FRMD4A: variants seen among roughly 807,000 people sequenced by gnomAD.
FRMD4A encodes the protein FERM domain-containing protein 4A.
Under a neutral mutation model 129.1 loss-of-function variants are expected in FRMD4A, and 29 were observed. The observed-to-expected ratio is 0.22, with a 90% CI of 0.17 to 0.31. The LOEUF is 0.31. FRMD4A is among the 10% of genes least tolerant of loss of function. The pLI, the probability that FRMD4A is intolerant of heterozygous loss-of-function variation, is 1.00. For missense variants in FRMD4A, 1,272 were observed against 1,375.8 expected (o/e 0.92, Z 1.19); for synonymous variants, 634 against 571.6 (o/e 1.11, Z -1.56).
intron 2 of FRMD4A, among the ~76,000 whole-genome samples, chr10:14,186,221 G>A (rs1842142369): frequency 6.6e-6 from 1 of 151,660 alleles, no homozygotes; most frequent in Admixed American, 6.6e-5. Context: ...GGCTACAATT[G>A]GTTGGAATCA....
chr10:13,648,783 A>T (rs1333676195), intron 24 of FRMD4A: 2 of 152,196 alleles, frequency 1.3e-5, no homozygotes, highest in East Asian at 3.8e-4. Flanking sequence ...GTAGTTTCTT[A>T]AACTGTTGAT....
At chr10:14,078,919 G>C (rs1835767362) in intron 2 of FRMD4A, among the ~76,000 whole-genome samples, 1 of 152,178 alleles carries the variant, frequency 6.6e-6, no homozygotes, top group Non-Finnish European at 1.5e-5. Flanking sequence ...TTCTGGAGGT[G>C]TCCTGCGAAT....
chr10:13,746,898 T>A (rs1397290273), intron 9 of FRMD4A, among the ~76,000 whole-genome samples: 2 of 152,144 alleles, frequency 1.3e-5, no homozygotes, highest in African/African-American at 4.8e-5. Flanking sequence ...ATGGCTTGAA[T>A]CATTCAGAAT....
intron 3 of FRMD4A, among the ~76,000 whole-genome samples, chr10:13,820,989 A>C (rs1047550114): frequency 3.3e-5 from 5 of 152,150 alleles, no homozygotes; most frequent in African/African-American, 1.2e-4. Context: ...CAGGGGAAGG[A>C]GCGCAGCTTT....
chr10:14,221,516 G>T (rs974558123), intron 2 of FRMD4A, among the ~76,000 whole-genome samples: 1 of 152,150 alleles, frequency 6.6e-6, no homozygotes, highest in African/African-American at 2.4e-5. Context: ...AACCAAATTG[G>T]TTTGCTTTAG....
chr10:13,706,278 G>A (rs1377499642), intron 13 of FRMD4A, among the ~76,000 whole-genome samples: 1 of 152,120 alleles, frequency 6.6e-6, no homozygotes, highest in African/African-American at 2.4e-5. Flanking sequence ...AGGGAATTAC[G>A]CTGCTGTTTT....
chr10:14,045,690 G>A (rs1473820369), intron 2 of FRMD4A, among the ~76,000 whole-genome samples: 1 of 144,588 alleles, frequency 6.9e-6, no homozygotes, highest in Non-Finnish European at 1.5e-5. Flanking sequence ...TATTATATAT[G>A]ATATAATTAT....
rs376895000 is a variant in FRMD4A at position 14,138,290 on chromosome 10, G to A, written c.45+191768C>T. On this transcript the variant is annotated intron_variant, in intron 2 of 24. Transcript: ENST00000357447. ...CTCACAATATGGCAGGCAGGAGGAA[G>A]CAGCTGAGTCCTACTGGGTCCAGCT... 2.3e-4 allele frequency among the ~76,000 whole-genome samples: 35 copies of A among 152,334 alleles called. No individual in the cohort carries two copies. In the East Asian group the frequency reaches 6.4e-3, roughly 28 times the overall value.
intron 2 of FRMD4A, among the ~76,000 whole-genome samples, chr10:14,022,649 A>G (rs73591237): frequency 0.015 from 2,314 of 152,222 alleles, 61 homozygotes; most frequent in African/African-American, 0.053. Context: ...ATGATAATGG[A>G]TGGAAGAACT....
chr10:13,741,118 T>C (rs906487146), intron 9 of FRMD4A, among the ~76,000 whole-genome samples: 12 of 151,318 alleles, frequency 7.9e-5, no homozygotes, highest in East Asian at 2.0e-4. Flanking sequence ...TGAGCCACCA[T>C]GGCTGGCTTA....
intron 12 of FRMD4A, among the ~76,000 whole-genome samples, chr10:13,735,962 T>C (rs182582918): frequency 1.3e-5 from 2 of 152,258 alleles, no homozygotes. Context: ...GAGACAGGCC[T>C]GGCCCACATG....
At chr10:13,884,212 A>ACACACACTCT (rs1554956586) in intron 2 of FRMD4A, among the ~76,000 whole-genome samples, 5 of 84,926 alleles carry the variant, frequency 5.9e-5, no homozygotes, top group African/African-American at 2.1e-4. Flanking sequence ...ACACACTCAC[A>ACACACACTCT]CACACACACA....
intron 2 of FRMD4A, among the ~76,000 whole-genome samples, chr10:13,985,370 C>G (rs538292650): frequency 2.0e-5 from 3 of 152,142 alleles, no homozygotes; most frequent in Non-Finnish European, 4.4e-5. Flanking sequence ...GAATGGAGGA[C>G]GCCTGCTGAG....
chr10:13,754,245 T>C (rs1414929577), intron 8 of FRMD4A, among the ~76,000 whole-genome samples: 1 of 151,750 alleles, frequency 6.6e-6, no homozygotes, highest in Admixed American at 6.6e-5. Flanking sequence ...CCTCCTTACT[T>C]GGCTTCTAAG....
chr10:13,829,445 G>A (rs990764668), intron 3 of FRMD4A, among the ~76,000 whole-genome samples: 8 of 152,006 alleles, frequency 5.3e-5, no homozygotes, highest in African/African-American at 1.9e-4. Context: ...AGCCATGATT[G>A]TGCCACTGCA....
chr10:13,986,162 G>T (rs1013759728), intron 2 of FRMD4A, among the ~76,000 whole-genome samples: 5 of 152,140 alleles, frequency 3.3e-5, no homozygotes, highest in South Asian at 4.2e-4. Context: ...GTCAGCCCTG[G>T]CTGCCCATGG....
intron 4 of FRMD4A, among the ~76,000 whole-genome samples, chr10:13,802,563 T>C (rs1471470946): frequency 6.6e-6 from 1 of 152,186 alleles, no homozygotes; most frequent in Non-Finnish European, 1.5e-5. Flanking sequence ...GCGATCCTTC[T>C]GCCTCAGCCT....
chr10:13,778,486 A>G (rs989278639), intron 6 of FRMD4A, among the ~76,000 whole-genome samples: 2 of 152,080 alleles, frequency 1.3e-5, no homozygotes, highest in Non-Finnish European at 2.9e-5. Flanking sequence ...GAATTTGATC[A>G]TTACCAGGCC....
At position 14,167,755 on chromosome 10, in the gene FRMD4A, A is replaced by T. The variant is rs149886474; in HGVS notation, c.45+162303T>A. 1.6e-3 allele frequency among the ~76,000 whole-genome samples: 244 copies of T among 152,186 alleles called. 1 individual carries two copies. The highest frequency in any genetic ancestry group is 5.2e-3 in the African/African-American group (216 of 41,544). On this transcript the variant is annotated intron_variant, in intron 2 of 24. Coordinates refer to ENST00000357447, the MANE Select transcript of FRMD4A (RefSeq NM_018027.5). ...GAGGATGTGGCATCCATGCTGCCAC[A>T]TGAAGGTGGCCTTAGAGTCAGCAGG...
Sources: allele counts gnomAD v4.1 joint callset (sites outside exome capture counted in the v4.1 genomes callset), GRCh38; gene constraint gnomAD v4.1.1; transcripts MANE v1.5; gene names NCBI Gene and HGNC (gene_info 2026-07-23, HGNC 2026-07-21).